The following ZBTB48 variants were observed in gnomAD, a reference collection of about 807,000 sequenced individuals.
ZBTB48 encodes the protein zinc finger and BTB domain-containing protein 48.
ZBTB48 carries 35 observed loss-of-function variants against 64.5 expected under a neutral mutation model. The ratio of observed to expected loss-of-function variants is 0.54; its 90% CI spans 0.41 to 0.72. The LOEUF is 0.72. Among genes scored for constraint, ZBTB48 ranks in the 30% least tolerant of loss-of-function variants. The pLI is 0.00. For synonymous variants in ZBTB48, 442 were observed against 356.7 expected (o/e 1.24, Z -2.70); for missense variants, 828 against 895.3 (o/e 0.92, Z 0.96).
rs1333078411 is a variant in ZBTB48 at position 6,584,416 on chromosome 1, G to A, written c.933-1503G>A. 6.6e-6 allele frequency among the ~76,000 whole-genome samples: 1 copy of A among 152,138 alleles called. No homozygotes were observed. The highest frequency in any genetic ancestry group is 1.9e-4 in the East Asian group (1 of 5,188). On this transcript the variant is annotated intron_variant, in intron 3 of 10. Coordinates refer to ENST00000377674, the MANE Select transcript of ZBTB48 (RefSeq NM_005341.4). This position sits in a 1 kb window ranked among gnomAD's most constrained non-coding sequence, Gnocchi z 4.5. ...TCCCTGCAAGGCCTGTGGGGATGGC[G>A]GCCCAGTGGCATGCCTTCCAGTCCT...
At chr1:6,582,537 T>C (rs1278931314) in intron 3 of ZBTB48, among the ~76,000 whole-genome samples, 5 of 152,244 alleles carry the variant, frequency 3.3e-5, no homozygotes, top group Non-Finnish European at 4.4e-5. Flanking sequence ...GTACATCTTG[T>C]CAACAGGTTC....
chr1:6,588,154 C>T lies in ZBTB48; in HGVS notation c.1474C>T (p.Pro492Ser), dbSNP rs1477734020. Residue 492 changes from proline (P) to serine (S), a missense_variant, in exon 8 of 11, where the codon CCC (proline) becomes TCC (serine). Pro to Ser is a moderately conservative substitution (Grantham distance 74). Transcript: ENST00000377674. ...CCTGCGCACACACACGGGTGAGAAG[C>T]CCTTCCAGTGCCACCTCTGTGGCAA... ...MHLRTHTGEK[P>S]FQCHLCGKTF... 1.9e-6 allele frequency: 3 copies of T among 1,614,078 alleles called. No individual in the cohort carries two copies. In the African/African-American group the frequency reaches 4.0e-5, roughly 22 times the overall value.
intron 9 of ZBTB48, 157 bp downstream of exon 9, chr1:6,588,599 T>C: frequency 6.9e-7 from 1 of 1,441,908 alleles, no homozygotes; most frequent in Non-Finnish European, 9.3e-7. Context: ...TCCTGTGCAG[T>C]AGTGACCCTG....
At position 6,580,700 on chromosome 1, in the gene ZBTB48, G is replaced by C; in HGVS notation, c.91G>C (p.Asp31His). 2 of 1,614,168 alleles carry C rather than the reference G, an allele frequency of 1.2e-6. No individual in the cohort carries two copies. The highest frequency in any genetic ancestry group is 8.5e-7 in the Non-Finnish European group (1 of 1,180,036). ...GGGCCAGTACTGCGACGCCACTCTGGACGTGGGGGGCCTGGTGTTTAAGGC... is the reference window on the plus strand; with the variant it reads ...GGGCCAGTACTGCGACGCCACTCTGCACGTGGGGGGCCTGGTGTTTAAGGC... ...EKGQYCDATL[D>H]VGGLVFKAHW... Residue 31 changes from aspartate (D) to histidine (H), a missense_variant, in exon 2 of 11, where the codon GAC (aspartate) becomes CAC (histidine). By Grantham distance (81) the Asp-to-His change is moderately conservative (BLOSUM62 -1). Transcript: ENST00000377674. This position sits in a 1 kb window ranked among gnomAD's most constrained non-coding sequence, Gnocchi z 5.2.
At position 6,580,102 on chromosome 1, in the gene ZBTB48, G is replaced by T. The variant is rs916342642; in HGVS notation, c.-104G>T. The T allele has an allele frequency of 5.2e-6, 1 of 191,628 alleles. No individual in the cohort carries two copies. Among genetic ancestry groups the T allele is most frequent in the Non-Finnish European group, 1.1e-5 (1 of 91,026 alleles). The allele number at this position is 191,628 out of a possible 1,614,324, so 11.9% of individuals were successfully genotyped here. On this transcript the variant is annotated 5_prime_UTR_variant, in exon 1 of 11. Transcript: ENST00000377674. The surrounding 1 kb of genome is among the most constrained non-coding windows in gnomAD (Gnocchi z 5.2). ...GGGCTGTGGAGGCGACGGAGCAGGG[G>T]GCCAGTGGGGCCAGCTCAGGGAGGA...
Position 6,589,014 on chromosome 1 carries a change from G to T in ZBTB48, c.1869G>T (p.Met623Ile). ...ACCTGATCATCGAGGACGAGAAGATGGTGGTGGTGGCGCTGCAGCCGCCTG... is the reference window on the plus strand; with the variant it reads ...ACCTGATCATCGAGGACGAGAAGATTGTGGTGGTGGCGCTGCAGCCGCCTG... ...LRNLIIEDEK[M>I]VVVALQPPAE... The change falls in exon 11 of 11, where the codon ATG becomes ATT. Residue 623 changes from methionine (M) to isoleucine (I), a missense_variant. Coordinates refer to ENST00000377674, the MANE Select transcript of ZBTB48 (RefSeq NM_005341.4). 1.3e-6 allele frequency: 2 copies of T among 1,596,554 alleles called. No homozygotes were observed. Among genetic ancestry groups the T allele is most frequent in the South Asian group, 2.2e-5 (2 of 89,610 alleles).
At chr1:6,582,332 GTC>G in intron 3 of ZBTB48, 33 bp downstream of exon 3, 1 of 1,597,568 alleles carries the variant, frequency 6.3e-7, no homozygotes, top group South Asian at 1.1e-5. Context: ...TTCTTTTCCT[GTC>G]TGCCATTCCC....
rs1640417252 is a variant in ZBTB48 at position 6,580,805 on chromosome 1, C to T, written c.196C>T (p.Pro66Ser). 1.5e-5 allele frequency: 25 copies of T among 1,614,232 alleles called. No individual in the cohort carries two copies. Among genetic ancestry groups the T allele is most frequent in the Non-Finnish European group, 2.0e-5 (24 of 1,180,052 alleles). ...GDGSGGSVVLPAGFAEIFGLL... is the reference protein window; with the variant it reads ...GDGSGGSVVLSAGFAEIFGLL... ...TGGCTCAGGGGGCAGTGTCGTCCTC[C>T]CTGCTGGCTTCGCTGAGATCTTTGG... Residue 66 changes from proline to serine, a missense_variant, in exon 2 of 11, where the codon CCT becomes TCT. By Grantham distance (74) the Pro-to-Ser change is moderately conservative (BLOSUM62 -1). Transcript: ENST00000377674. The surrounding 1 kb of genome is among the most constrained non-coding windows in gnomAD (Gnocchi z 5.2).
chr1:6,581,328 G>T (rs1370705337), intron 2 of ZBTB48, 29 bp downstream of exon 2: 2 of 1,544,266 alleles, frequency 1.3e-6, no homozygotes, highest in Non-Finnish European at 1.7e-6. Context: ...TGGGACTGGG[G>T]AGACAAATAG....
In ZBTB48 at chr1:6,580,125, G is replaced by C. The variant is rs1043766728; in HGVS notation, c.-81G>C. 20 of 190,524 alleles carry C rather than the reference G, an allele frequency of 1.0e-4. No individual in the cohort carries two copies. The highest frequency in any genetic ancestry group is 4.5e-4 in the African/African-American group (19 of 42,060). 11.8% of individuals were successfully genotyped at this position (190,524 alleles called of 1,614,324 possible). A position where few individuals can be genotyped will look rare whatever the true frequency, so the allele number is the denominator to read the frequency against. ...GGGGCCAGTGGGGCCAGCTCAGGGA[G>C]GACCTGCCTGGGTGAGGAGGGCGCG... is the stretch of plus-strand genomic sequence containing the variant. On this transcript the variant is annotated 5_prime_UTR_variant, in exon 1 of 11. Transcript: ENST00000377674. The surrounding 1 kb of genome is among the most constrained non-coding windows in gnomAD (Gnocchi z 5.2).
intron 3 of ZBTB48, chr1:6,585,546 G>C (rs1167389151): frequency 4.8e-6 from 1 of 210,106 alleles, no homozygotes; most frequent in East Asian, 1.0e-4. Context: ...AGCCTTGGTG[G>C]GCCAGTGGAG....
chr1:6,581,698 ATC>A (rs1640474311), intron 2 of ZBTB48, among the ~76,000 whole-genome samples: 1 of 151,970 alleles, frequency 6.6e-6, no homozygotes, highest in Non-Finnish European at 1.5e-5. Flanking sequence ...CCTTAAGACA[ATC>A]TCTGTTAATG....
intron 9 of ZBTB48, 83 bp from the exon 10 acceptor site, chr1:6,588,673 C>T: frequency 6.3e-7 from 1 of 1,587,376 alleles, no homozygotes; most frequent in Non-Finnish European, 8.6e-7. Flanking sequence ...CCCTCCCTTG[C>T]TGCCTGTCCC....
In ZBTB48 at chr1:6,581,194, G is replaced by A. The variant is rs369561806; in HGVS notation, c.585G>A (p.Gln195=). ...GPSSLCGKLK[Q]ALKPCPLEDK... ...CCTCCCTCTGTGGGAAACTGAAGCA[G>A]GCCTTGAAGCCTTGTCCCCTTGAGG... is the stretch of plus-strand genomic sequence containing the variant. The change falls in exon 2 of 11, where the codon CAG becomes CAA. Residue 195 remains glutamine, a synonymous_variant. Transcript: ENST00000377674. 1.2e-6 allele frequency: 2 copies of A among 1,613,448 alleles called. No individual in the cohort carries two copies. Among genetic ancestry groups the A allele is most frequent in the Non-Finnish European group, 1.7e-6 (2 of 1,180,016 alleles).
chr1:6,588,168 C>T lies in ZBTB48; in HGVS notation c.1488C>T (p.His496=). 1 of 1,614,158 alleles carries T rather than the reference C, an allele frequency of 6.2e-7. No homozygotes were observed. Among genetic ancestry groups the T allele is most frequent in the Non-Finnish European group, 8.5e-7 (1 of 1,180,040 alleles). Residue 496 remains histidine, a synonymous_variant, in exon 8 of 11, where the codon CAC becomes CAT. Transcript: ENST00000377674. ...CGGGTGAGAAGCCCTTCCAGTGCCA[C>T]CTCTGTGGCAAGACCTTCCGAACCC... ...THTGEKPFQC[H]LCGKTFRTQA...
Position 6,581,319 on chromosome 1 carries a change from G to A in ZBTB48, c.690+20G>A, listed in dbSNP as rs147860652. 5.5e-4 allele frequency: 857 copies of A among 1,561,150 alleles called. 4 individuals are homozygous for A. The African/African-American group carries it at 0.011, about 19-fold the overall frequency. ...AATGAGGTACTGTGCCCAGGGTGTT[G>A]GGACTGGGGAGACAAATAGAGGGAA... On this transcript the variant is annotated intron_variant, in intron 2 of 10. Coordinates refer to ENST00000377674, the MANE Select transcript of ZBTB48 (RefSeq NM_005341.4).
rs200708106 is a variant in ZBTB48 at position 6,588,205 on chromosome 1, C to T, written c.1516+9C>T. 5.1e-4 allele frequency: 819 copies of T among 1,613,914 alleles called. No homozygotes were observed. The highest frequency in any genetic ancestry group is 6.6e-4 in the Non-Finnish European group (777 of 1,179,956). ...GACCTTCCGAACCCAAGGTGAGGTA[C>T]GCCCTGCCCCTCCCCTCGCCTCCCC... On this transcript the variant is annotated intron_variant, in intron 8 of 10. Transcript: ENST00000377674.
At position 6,580,154 on chromosome 1, in the gene ZBTB48, TGAGG is replaced by T; in HGVS notation, c.-70+28_-70+31del. On this transcript the variant is annotated intron_variant, in intron 1 of 10. Coordinates refer to ENST00000377674, the MANE Select transcript of ZBTB48 (RefSeq NM_005341.4). The surrounding 1 kb of genome is among the most constrained non-coding windows in gnomAD (Gnocchi z 5.2). ...CTGCCTGGGTGAGGAGGGCGCGGGG[TGAGG>T]GAGGGAGGGGCTGCGGGCCGCCGTG... 2.7e-5 allele frequency: 5 copies of T among 185,896 alleles called. No homozygotes were observed. Among genetic ancestry groups the T allele is most frequent in the East Asian group, 3.0e-4 (2 of 6,688 alleles). The allele number at this position is 185,896 out of a possible 1,614,324, so 11.5% of individuals were successfully genotyped here.
chr1:6,585,534 C>T (rs1640627807), intron 3 of ZBTB48: 2 of 202,852 alleles, frequency 9.9e-6, no homozygotes, highest in Non-Finnish European at 2.1e-5. Flanking sequence ...GAAGCTGTTG[C>T]CAGCCTTGGT....
Sources: gnomAD v4.1 joint callset for allele counts (sites outside exome capture counted in the v4.1 genomes callset) on GRCh38, gnomAD v4.1.1 for gene constraint, Gnocchi (gnomAD v3.1) non-coding constraint, MANE v1.5 for transcripts, NCBI Gene and HGNC (gene_info 2026-07-23, HGNC 2026-07-21) for gene names.